KLHL1: variants seen among roughly 807,000 people sequenced by gnomAD.
The protein encoded by KLHL1 is kelch-like protein 1.
Under a neutral mutation model 77.7 loss-of-function variants are expected in KLHL1, and 47 were observed. The observed-to-expected ratio is 0.60, with a 90% CI of 0.48 to 0.77. The LOEUF is 0.77. Among genes scored for constraint, KLHL1 ranks in the 30% least tolerant of loss-of-function variants. KLHL1 has a pLI of 0.00. For missense variants in KLHL1, 925 were observed against 910.8 expected, an observed-to-expected ratio of 1.02 and a Z score of -0.20; for synonymous variants, 360 against 325.2, an observed-to-expected ratio of 1.11 and a Z score of -1.15.
chr13:69,784,696 T>A (rs1344689662), intron 7 of KLHL1, among the ~76,000 whole-genome samples: 1 of 151,012 alleles, frequency 6.6e-6, no homozygotes, highest in African/African-American at 2.4e-5. Context: ...AAGTCCTTAG[T>A]GACCTACAAA....
intron 5 of KLHL1, among the ~76,000 whole-genome samples, chr13:69,878,711 TAG>T (rs988830315): frequency 0.012 from 1,675 of 143,312 alleles, 24 homozygotes; most frequent in African/African-American, 0.038. Flanking sequence ...TATATATATA[TAG>T]AGAGAGAGAG....
chr13:69,963,670 T>A (rs926684696), intron 2 of KLHL1, among the ~76,000 whole-genome samples: 1 of 152,158 alleles, frequency 6.6e-6, no homozygotes, highest in Non-Finnish European at 1.5e-5. Context: ...TCTACCTTCA[T>A]GGATATTGTA....
At position 69,832,848 on chromosome 13, in the gene KLHL1, G is replaced by C. The variant is rs528390885; in HGVS notation, c.1414+6128C>G. Among the ~76,000 whole-genome samples, 3 of 150,394 alleles carry C rather than the reference G, an allele frequency of 2.0e-5. No homozygotes were observed. The South Asian group carries it at 6.2e-4, about 31-fold the overall frequency. On this transcript the variant is annotated intron_variant, in intron 6 of 10. Coordinates refer to ENST00000377844, the MANE Select transcript of KLHL1 (RefSeq NM_020866.3). ...CTTTGACAAAGGAAACAAAAACATA[G>C]AGTGGGGAAAGGACAACCTATTCAA...
intron 5 of KLHL1, among the ~76,000 whole-genome samples, chr13:69,845,229 T>C (rs1336001639): frequency 6.8e-6 from 1 of 147,900 alleles, no homozygotes; most frequent in Non-Finnish European, 1.5e-5. Flanking sequence ...GTATAGGTAG[T>C]GTTCTTTCAT....
chr13:69,860,757 CAAT>C, intron 5 of KLHL1, among the ~76,000 whole-genome samples: 1 of 144,370 alleles, frequency 6.9e-6, no homozygotes, highest in East Asian at 2.0e-4. Context: ...TTAAGATGAA[CAAT>C]AATAGATAAT....
intron 7 of KLHL1, among the ~76,000 whole-genome samples, chr13:69,748,793 TA>T (rs58816551): frequency 0.41 from 62,369 of 151,490 alleles, 13,000 homozygotes; most frequent in African/African-American, 0.46. Context: ...TGGTCTGTCT[TA>T]GGGGTGGTCA....
At chr13:69,863,481 T>C in intron 5 of KLHL1, among the ~76,000 whole-genome samples, 1 of 132,818 alleles carries the variant, frequency 7.5e-6, no homozygotes, top group East Asian at 2.1e-4. Flanking sequence ...AGAGTGTATA[T>C]GAAAAAAAAA....
chr13:70,035,161 C>T (rs2439608), intron 1 of KLHL1, among the ~76,000 whole-genome samples: 1 of 151,924 alleles, frequency 6.6e-6, no homozygotes, highest in Non-Finnish European at 1.5e-5. Context: ...TTTATTGCAG[C>T]ATTATTCACA....
chr13:69,894,921 C>G, intron 4 of KLHL1: 1 of 436,520 alleles, frequency 2.3e-6, no homozygotes, highest in South Asian at 1.9e-5. Context: ...TGAGCAGAAC[C>G]AAGCAGCTTG....
At chr13:70,056,620 G>T (rs1251355335) in intron 1 of KLHL1, among the ~76,000 whole-genome samples, 1 of 152,018 alleles carries the variant, frequency 6.6e-6, no homozygotes, top group African/African-American at 2.4e-5. Flanking sequence ...ACTTTATCAG[G>T]TATCTTCTCT....
At chr13:70,098,962 A>G (rs1163940712) in intron 1 of KLHL1, among the ~76,000 whole-genome samples, 1 of 151,912 alleles carries the variant, frequency 6.6e-6, no homozygotes, top group African/African-American at 2.4e-5. Context: ...CTTTATACTT[A>G]GTCAATATTT....
intron 3 of KLHL1, among the ~76,000 whole-genome samples, chr13:69,944,978 CTTT>C (rs750774784): frequency 0.029 from 2,263 of 79,330 alleles, 7 homozygotes; most frequent in Middle Eastern, 0.056. Flanking sequence ...TATAAAACTT[CTTT>C]TTTTTTTTTT....
intron 2 of KLHL1, among the ~76,000 whole-genome samples, chr13:69,972,316 A>C (rs1884406085): frequency 6.6e-6 from 1 of 151,998 alleles, no homozygotes; most frequent in Admixed American, 6.6e-5. Flanking sequence ...AAAATAATAA[A>C]TACTTTCTTG....
chr13:69,816,067 G>A (rs895475889), intron 6 of KLHL1, among the ~76,000 whole-genome samples: 4 of 151,392 alleles, frequency 2.6e-5, no homozygotes, highest in Non-Finnish European at 4.4e-5. Flanking sequence ...GAATGCAATA[G>A]GTAAATATCA....
chr13:69,937,965 G>A (rs1251006954), intron 4 of KLHL1, among the ~76,000 whole-genome samples: 1 of 152,064 alleles, frequency 6.6e-6, no homozygotes, highest in Non-Finnish European at 1.5e-5. Context: ...AGTCAGGAGA[G>A]AAGTTAATTC....
chr13:69,929,288 T>C (rs1882917513), intron 4 of KLHL1, among the ~76,000 whole-genome samples: 1 of 151,902 alleles, frequency 6.6e-6, no homozygotes. Flanking sequence ...AGAATTGAAA[T>C]TATTCTGTGT....
At chr13:69,844,518 C>A (rs1327775433) in intron 5 of KLHL1, among the ~76,000 whole-genome samples, 1 of 151,604 alleles carries the variant, frequency 6.6e-6, no homozygotes, top group African/African-American at 2.4e-5. Context: ...TCTGACAACT[C>A]TAATGACTTC....
chr13:69,739,409 C>A (rs1351851596), intron 8 of KLHL1, among the ~76,000 whole-genome samples: 1 of 152,158 alleles, frequency 6.6e-6, no homozygotes, highest in Non-Finnish European at 1.5e-5. Flanking sequence ...ACCATATTAA[C>A]CTTGAATGTA....
intron 6 of KLHL1, among the ~76,000 whole-genome samples, chr13:69,812,929 A>T (rs1372882344): frequency 1.4e-5 from 2 of 144,944 alleles, no homozygotes; most frequent in Admixed American, 6.8e-5. Context: ...TTCCTCAGGG[A>T]TCTAGAACTA....
Sources: gnomAD v4.1 joint callset for allele counts (sites outside exome capture counted in the v4.1 genomes callset) on GRCh38, gnomAD v4.1.1 for gene constraint, MANE v1.5 for transcripts, NCBI Gene and HGNC (gene_info 2026-07-23, HGNC 2026-07-21) for gene names.